NAA11: variants seen among roughly 807,000 people sequenced by gnomAD.
NAA11 encodes N-alpha-acetyltransferase 11, NatA catalytic subunit.
A neutral mutation model predicts 16.1 loss-of-function variants in NAA11; 15 were observed. The observed-to-expected ratio is 0.93, with a 90% CI of 0.62 to 1.44. The LOEUF is 1.44. Ranked by LOEUF, NAA11 falls within the 40% of genes most tolerant of loss-of-function variation. NAA11 has a pLI of 0.00. For missense variants in NAA11, 298 were observed against 291.3 expected (o/e 1.02, Z -0.17); for synonymous variants, 122 against 112.4 (o/e 1.09, Z -0.54).
the NAA11 span, among the ~76,000 whole-genome samples, chr4:79,161,784 G>A: frequency 2.6e-5 from 4 of 152,114 alleles, no homozygotes; most frequent in East Asian, 7.8e-4. Context: ...CCGGGTTCAA[G>A]TGATTCTTCT....
chr4:79,185,181 C>A, the NAA11 span, among the ~76,000 whole-genome samples: 1 of 151,942 alleles, frequency 6.6e-6, no homozygotes, highest in South Asian at 2.1e-4. Context: ...ACGTTGTATA[C>A]CTTTCATACC....
At chr4:79,199,946 A>G in the NAA11 span, among the ~76,000 whole-genome samples, 1 of 152,034 alleles carries the variant, frequency 6.6e-6, no homozygotes, top group South Asian at 2.1e-4. Flanking sequence ...TCAGGTGACC[A>G]TGAAATGATG....
At chr4:79,174,120 A>G in the NAA11 span, among the ~76,000 whole-genome samples, 2 of 152,138 alleles carry the variant, frequency 1.3e-5, no homozygotes, top group African/African-American at 4.8e-5. Context: ...GTGAAGAACA[A>G]ATTGTTTGGA....
chr4:79,299,004 A>G (rs1723309179), intron 1 of NAA11: 1 of 152,202 alleles, frequency 6.6e-6, no homozygotes, highest in Non-Finnish European at 1.5e-5. Context: ...TTGTTAGGTT[A>G]TAAACATCTT....
chr4:79,175,409 A>G, the NAA11 span, among the ~76,000 whole-genome samples: 1 of 152,122 alleles, frequency 6.6e-6, no homozygotes, highest in Non-Finnish European at 1.5e-5. Flanking sequence ...GGAATCACAA[A>G]TGCAGAAAGT....
chr4:79,325,970 TC>T lies in NAA11; in HGVS notation c.-94del. 9.0e-7 allele frequency: 1 copy of T among 1,109,620 alleles called. No homozygotes were observed. Among genetic ancestry groups the T allele is most frequent in the Non-Finnish European group, 1.3e-6 (1 of 776,014 alleles). The allele number at this position is 1,109,620 out of a possible 1,614,324, so 68.7% of individuals were successfully genotyped here. ...GGCACTGTTTGCCTCAGGAATCGAG[TC>T]CAGGGGGCTAACACCACCGGGCTGA... On this transcript the variant is annotated 5_prime_UTR_variant, in exon 1 of 2. Coordinates refer to ENST00000286794, the MANE Select transcript of NAA11 (RefSeq NM_032693.3).
intron 1 of NAA11, among the ~76,000 whole-genome samples, chr4:79,323,424 C>T (rs1724160156): frequency 1.3e-5 from 2 of 152,018 alleles, no homozygotes; most frequent in African/African-American, 4.8e-5. Context: ...CGGTGGCTCA[C>T]GCCTGTAATC....
the NAA11 span, among the ~76,000 whole-genome samples, chr4:79,217,666 G>GC: frequency 6.6e-6 from 1 of 152,122 alleles, no homozygotes; most frequent in African/African-American, 2.4e-5. Context: ...AATTACACTT[G>GC]AGCTAAACTA....
intron 1 of NAA11, among the ~76,000 whole-genome samples, chr4:79,307,458 T>C (rs1029893602): frequency 2.0e-5 from 3 of 152,206 alleles, no homozygotes; most frequent in Non-Finnish European, 2.9e-5. Flanking sequence ...TTTTTTTATA[T>C]GGTAGAATAT....
chr4:79,271,973 C>T (rs1722503785), intron 2 of NAA11, among the ~76,000 whole-genome samples: 1 of 151,582 alleles, frequency 6.6e-6, no homozygotes, highest in Non-Finnish European at 1.5e-5. Context: ...ATAACTCTTC[C>T]TGACAAACAT....
the NAA11 span, among the ~76,000 whole-genome samples, chr4:79,175,086 A>T: frequency 6.6e-6 from 1 of 152,108 alleles, no homozygotes; most frequent in Non-Finnish European, 1.5e-5. Flanking sequence ...TTTGCTGCTC[A>T]TTTCTGAATG....
At chr4:79,320,788 TA>T (rs1268864653) in intron 1 of NAA11, among the ~76,000 whole-genome samples, 4 of 151,888 alleles carry the variant, frequency 2.6e-5, no homozygotes, top group Non-Finnish European at 4.4e-5. Flanking sequence ...AAATGAAAAA[TA>T]TTTTTTTTAG....
At position 79,317,117 on chromosome 4, in the gene NAA11, A is replaced by G. The variant is rs1723948935; in HGVS notation, c.*687T>C. 1 of 152,186 alleles carries G rather than the reference A, an allele frequency of 6.6e-6. No individual in the cohort carries two copies. The highest frequency in any genetic ancestry group is 1.5e-5 in the Non-Finnish European group (1 of 68,042). 9.4% of individuals were successfully genotyped at this position (152,186 alleles called of 1,614,324 possible). ...CAAAAAAACTAACACAAACAAGCAC[A>G]TTAGAGATTCCAATTTAATTACCGT... On this transcript the variant is annotated 3_prime_UTR_variant, in exon 2 of 2. Transcript: ENST00000286794.
At chr4:79,232,395 T>C (rs1721487178) in intron 2 of NAA11, among the ~76,000 whole-genome samples, 1 of 151,976 alleles carries the variant, frequency 6.6e-6, no homozygotes, top group Non-Finnish European at 1.5e-5. Flanking sequence ...TGGCATGGCA[T>C]TGAAACACAT....
intron 2 of NAA11, among the ~76,000 whole-genome samples, chr4:79,238,711 T>C (rs1721621889): frequency 6.6e-6 from 1 of 151,896 alleles, no homozygotes; most frequent in South Asian, 2.1e-4. Flanking sequence ...TAAGTACAGG[T>C]TCACACACCA....
chr4:79,282,391 A>G (rs1722813861), intron 2 of NAA11, among the ~76,000 whole-genome samples: 1 of 152,104 alleles, frequency 6.6e-6, no homozygotes, highest in South Asian at 2.1e-4. Flanking sequence ...GCATGATAGG[A>G]GTAGAAGCCA....
chr4:79,301,383 G>T (rs975683496), intron 1 of NAA11, among the ~76,000 whole-genome samples: 1 of 152,084 alleles, frequency 6.6e-6, no homozygotes, highest in Non-Finnish European at 1.5e-5. Context: ...TCCTACCTGT[G>T]TTTTTAAAAT....
the NAA11 span, among the ~76,000 whole-genome samples, chr4:79,204,731 G>C: frequency 1.3e-5 from 2 of 151,612 alleles, no homozygotes; most frequent in Admixed American, 1.3e-4. Context: ...CCCCTTCTGA[G>C]TCTCCAGTGT....
At position 79,232,425 on chromosome 4, in the gene NAA11, C is replaced by A. The variant is rs72869057; in HGVS notation, c.*123-6155G>T. Among the ~76,000 whole-genome samples, 850 of 151,948 alleles carry A rather than the reference C, an allele frequency of 5.6e-3. 9 individuals carry two copies. The highest frequency in any genetic ancestry group is 0.019 in the African/African-American group (785 of 41,516). On this transcript the variant is annotated intron_variant and NMD_transcript_variant, in intron 2 of 2. Transcript: ENST00000511542. Reference sequence around the variant, plus strand: ...ACACATAATGCCTTCCATAACAACCCAAGTTTCTTTCCTATGTTAATGCTC... The same window carrying A: ...ACACATAATGCCTTCCATAACAACCAAAGTTTCTTTCCTATGTTAATGCTC...
Sources: allele counts gnomAD v4.1 joint callset (sites outside exome capture counted in the v4.1 genomes callset), GRCh38; gene constraint gnomAD v4.1.1; transcripts MANE v1.5; gene names NCBI Gene and HGNC (gene_info 2026-07-23, HGNC 2026-07-21).